Variants in SLCO3A1 observed in about 807,000 individuals in gnomAD.
The protein encoded by SLCO3A1 is PGE1 transporter.
A neutral mutation model predicts 63.1 loss-of-function variants in SLCO3A1; 27 were observed. The ratio of observed to expected loss-of-function variants is 0.43; its 90% CI spans 0.32 to 0.59. SLCO3A1 has a LOEUF of 0.59. SLCO3A1 is among the 20% of genes least tolerant of loss of function. SLCO3A1 has a pLI of 0.09. For synonymous variants in SLCO3A1, 473 were observed against 409.9 expected, an observed-to-expected ratio of 1.15 and a Z score of -1.86; for missense variants, 773 against 945.8, an observed-to-expected ratio of 0.82 and a Z score of 2.40.
chr15:92,170,142 AACCTT>A (rs2048513767), downstream of SLCO3A1, among the ~76,000 whole-genome samples: 1 of 152,208 alleles, frequency 6.6e-6, no homozygotes, highest in African/African-American at 2.4e-5. Flanking sequence ...TTCTCACACT[AACCTT>A]ATAGAAGATT....
chr15:92,164,974 G>GATTA lies in SLCO3A1; in HGVS notation c.*1839_*1840insATTA, dbSNP rs5814523. The stretch of plus-strand genomic sequence containing the variant: ...TGGAAAAAAAACTCAAAGGTTGATT[G>GATTA]GTTTGCTTTTTCACCTTGGACACAT... On this transcript the variant is annotated 3_prime_UTR_variant, in exon 10 of 10. Coordinates refer to ENST00000318445, the MANE Select transcript of SLCO3A1 (RefSeq NM_013272.4). The GATTA allele has an allele frequency of 1.0e-6, 1 of 985,140 alleles. No individual in the cohort carries two copies. The highest frequency in any genetic ancestry group is 1.2e-6 in the Non-Finnish European group (1 of 829,900). The allele number at this position is 985,140 out of a possible 1,614,324, so 61.0% of individuals were successfully genotyped here.
At chr15:91,981,483 C>A (rs2045986148) in intron 2 of SLCO3A1, among the ~76,000 whole-genome samples, 1 of 152,178 alleles carries the variant, frequency 6.6e-6, no homozygotes, top group Non-Finnish European at 1.5e-5. Flanking sequence ...CGTTTTCCCA[C>A]CTCATGGCTT....
chr15:92,122,271 G>A (rs1274159482), intron 5 of SLCO3A1, among the ~76,000 whole-genome samples: 4 of 152,236 alleles, frequency 2.6e-5, no homozygotes, highest in Non-Finnish European at 5.9e-5. Context: ...GCCAGGCATG[G>A]GGGCAGCTAC....
chr15:91,881,622 A>T (rs1184805187), intron 1 of SLCO3A1, among the ~76,000 whole-genome samples: 4 of 152,172 alleles, frequency 2.6e-5, no homozygotes, highest in Non-Finnish European at 5.9e-5. Context: ...GTTAAAAGCC[A>T]CTCAGAGAAA....
At chr15:92,144,297 C>T (rs1371169634) in intron 7 of SLCO3A1, among the ~76,000 whole-genome samples, 1 of 152,016 alleles carries the variant, frequency 6.6e-6, no homozygotes, top group Non-Finnish European at 1.5e-5. Context: ...ATCTCAGAGA[C>T]GTGGCTTTGA....
intron 9 of SLCO3A1, among the ~76,000 whole-genome samples, chr15:92,160,798 G>C (rs1352425518): frequency 6.6e-6 from 1 of 152,098 alleles, no homozygotes; most frequent in South Asian, 2.1e-4. Context: ...TAAAACCGGG[G>C]GAAGGGCTGC....
exon 11 of SLCO3A1, chr15:92,171,963 G>A: frequency 1.2e-6 from 1 of 856,954 alleles, no homozygotes; most frequent in Non-Finnish European, 1.9e-6. Flanking sequence ...AGAACCCGAG[G>A]GTCCCCATGT....
chr15:91,896,402 A>C (rs1278945621), intron 1 of SLCO3A1, among the ~76,000 whole-genome samples: 3 of 152,208 alleles, frequency 2.0e-5, no homozygotes, highest in Non-Finnish European at 4.4e-5. Context: ...CCAGGTAGAA[A>C]TGACACTTGG....
At chr15:92,109,025 C>T (rs1028396298) in intron 4 of SLCO3A1, among the ~76,000 whole-genome samples, 3 of 152,272 alleles carry the variant, frequency 2.0e-5, no homozygotes, top group Middle Eastern at 3.4e-3. Flanking sequence ...ATGCACAGAA[C>T]AGTGCATAGC....
chr15:92,088,146 T>G (rs2047428768), intron 2 of SLCO3A1, among the ~76,000 whole-genome samples: 1 of 151,964 alleles, frequency 6.6e-6, no homozygotes, highest in Non-Finnish European at 1.5e-5. Flanking sequence ...CCAAGAAGAG[T>G]CACTCACTCC....
At chr15:92,154,134 G>A (rs902891303) in intron 9 of SLCO3A1, among the ~76,000 whole-genome samples, 1 of 152,236 alleles carries the variant, frequency 6.6e-6, no homozygotes, top group African/African-American at 2.4e-5. Flanking sequence ...ACAGAGGCTC[G>A]TGCCGAGATG....
chr15:91,968,287 G>T lies in SLCO3A1; in HGVS notation c.646+51829G>T, dbSNP rs1900731767. Among the ~76,000 whole-genome samples, 1 of 152,120 alleles carries T rather than the reference G, an allele frequency of 6.6e-6. No individual in the cohort carries two copies. Among genetic ancestry groups the T allele is most frequent in the African/African-American group, 2.4e-5 (1 of 41,410 alleles). ...CTCCACCTGGGGAAAACAGCAGATG[G>T]AGGAGAGGAAAGAGAAGTTTAGCTG... On this transcript the variant is annotated intron_variant, in intron 2 of 9. Coordinates refer to ENST00000318445, the MANE Select transcript of SLCO3A1 (RefSeq NM_013272.4). This position sits in a 1 kb window ranked among gnomAD's most constrained non-coding sequence, Gnocchi z 4.2.
chr15:92,059,665 A>G (rs1303077518), intron 2 of SLCO3A1, among the ~76,000 whole-genome samples: 1 of 152,118 alleles, frequency 6.6e-6, no homozygotes, highest in East Asian at 1.9e-4. Flanking sequence ...TTAGATATCA[A>G]AATTCACATT....
chr15:92,167,321 T>A (rs1029502627), downstream of SLCO3A1, among the ~76,000 whole-genome samples: 3 of 152,158 alleles, frequency 2.0e-5, 1 homozygote, highest in Admixed American at 1.3e-4. Context: ...TCAACCATGA[T>A]CCATGTTTCC....
intron 3 of SLCO3A1, among the ~76,000 whole-genome samples, chr15:92,096,999 C>T (rs778088861): frequency 3.9e-5 from 6 of 152,152 alleles, no homozygotes; most frequent in Non-Finnish European, 7.4e-5. Context: ...CCAGCTTCCA[C>T]CACTGCACCC....
intron 2 of SLCO3A1, among the ~76,000 whole-genome samples, chr15:91,996,375 C>G (rs1164637219): frequency 6.6e-6 from 1 of 151,938 alleles, no homozygotes; most frequent in African/African-American, 2.4e-5. Context: ...ATACCATATT[C>G]ATGGATGGGA....
At chr15:92,044,520 G>A (rs1163349650) in intron 2 of SLCO3A1, among the ~76,000 whole-genome samples, 1 of 152,088 alleles carries the variant, frequency 6.6e-6, no homozygotes, top group Admixed American at 6.5e-5. Context: ...CAAGTGGACA[G>A]GAAGTCTTCC....
rs143439951 is a variant in SLCO3A1, at chr15:91,879,575, T to C, written c.180+25487T>C. ...TATGGTTTTTAGGTTGCAACAAAAATATGGCTGAAAACTAAGAAAAATACG... is the reference window on the plus strand; with the variant it reads ...TATGGTTTTTAGGTTGCAACAAAAACATGGCTGAAAACTAAGAAAAATACG... On this transcript the variant is annotated intron_variant, in intron 1 of 9. Transcript: ENST00000318445. Among the ~76,000 whole-genome samples the C allele has an allele frequency of 3.3e-5, 5 of 152,250 alleles. No homozygotes were observed. In the East Asian group the frequency reaches 9.6e-4, roughly 29 times the overall value.
At chr15:91,858,083 T>C (rs1896968516) in intron 1 of SLCO3A1, among the ~76,000 whole-genome samples, 2 of 152,138 alleles carry the variant, frequency 1.3e-5, no homozygotes, top group Non-Finnish European at 1.5e-5. Flanking sequence ...TTGCAATTAA[T>C]GGGTGAGGCG....
Sources: allele counts gnomAD v4.1 joint callset (sites outside exome capture counted in the v4.1 genomes callset), GRCh38; gene constraint gnomAD v4.1.1; non-coding constraint Gnocchi (gnomAD v3.1); transcripts MANE v1.5; gene names NCBI Gene and HGNC (gene_info 2026-07-23, HGNC 2026-07-21).